Variants in SIGLEC6 observed in about 807,000 individuals in gnomAD.
The protein encoded by SIGLEC6 is sialic acid binding Ig like lectin 6, also known as sialic acid-binding Ig-like lectin 6.
Under a neutral mutation model 41.4 loss-of-function variants are expected in SIGLEC6, and 31 were observed. That is an observed-to-expected ratio of 0.75 (90% CI 0.56 to 1.01). The LOEUF is 1.01. Ranked by LOEUF, SIGLEC6 falls within the 50% of genes least tolerant of loss-of-function variation. The pLI is 0.00. For missense variants in SIGLEC6, 555 were observed against 558.6 expected, an observed-to-expected ratio of 0.99 and a Z score of 0.06; for synonymous variants, 217 against 231.0, an observed-to-expected ratio of 0.94 and a Z score of 0.55.
intron 5 of SIGLEC6, among the ~76,000 whole-genome samples, chr19:51,529,027 G>A (rs1416694846): frequency 3.5e-5 from 5 of 142,814 alleles, no homozygotes; most frequent in Admixed American, 3.5e-4. Context: ...AAGGGAAAAT[G>A]TGGACACAGA....
chr19:51,518,071 T>C lies in SIGLEC6; in HGVS notation c.*2011A>G, dbSNP rs544850483. ...TTTTTTGGATCTCAAAAATCTAATC[T>C]GGGATCACTTTCCTAATACCTGAAT... On this transcript the variant is annotated 3_prime_UTR_variant, in exon 8 of 8. Coordinates refer to ENST00000425629, the MANE Select transcript of SIGLEC6 (RefSeq NM_001245.7). Among the ~76,000 whole-genome samples the C allele has an allele frequency of 5.3e-5, 8 of 152,210 alleles. No individual in the cohort carries two copies.
At chr19:51,526,032 A>G (rs1363805241) in intron 7 of SIGLEC6, among the ~76,000 whole-genome samples, 3 of 152,052 alleles carry the variant, frequency 2.0e-5, no homozygotes, top group African/African-American at 7.2e-5. Context: ...TTCACCAGGT[A>G]AGTCCCCCTG....
chr19:51,522,643 T>C (rs1365318156), intron 7 of SIGLEC6, among the ~76,000 whole-genome samples: 1 of 148,292 alleles, frequency 6.7e-6, no homozygotes, highest in African/African-American at 2.5e-5. Flanking sequence ...ACAAAAAAAT[T>C]AGCCAGATAT....
chr19:51,530,016 G>A, intron 4 of SIGLEC6, 35 bp from the exon 5 acceptor site: 1 of 1,544,130 alleles, frequency 6.5e-7, no homozygotes, highest in Non-Finnish European at 8.7e-7. Context: ...TTAGAGATGG[G>A]GTATAGGGGC....
Position 51,531,407 on chromosome 19 carries a change from C to T in SIGLEC6, c.180G>A (p.Ser60=), listed in dbSNP as rs187012411. The change falls in exon 2 of 8, where the codon TCG becomes TCA. Residue 60 remains serine (S), a synonymous_variant. Transcript: ENST00000425629. ...GGAACCAGTAGCCATAACCATAGTA[C>T]GAGGCTGGAAGGGTAGTGGGCAATC... ...PCRLPTTLPA[S]YYGYGYWFLE... is the part of the protein sequence containing the mutation. 2.5e-6 allele frequency: 4 copies of T among 1,614,088 alleles called. No individual in the cohort carries two copies. Among genetic ancestry groups the T allele is most frequent in the South Asian group, 1.1e-5 (1 of 91,080 alleles).
chr19:51,530,968 G>A lies in SIGLEC6; in HGVS notation c.428-9C>T, dbSNP rs369391561. On this transcript the variant is annotated splice_polypyrimidine_tract_variant and intron_variant, in intron 2 of 7. Transcript: ENST00000425629. ...GGGCCTGTGGGTCAGGGCTGGTGAG[G>A]AGATGGGGACGCAGGATCAGGATGG... 174 of 1,608,802 alleles carry A rather than the reference G, an allele frequency of 1.1e-4. No homozygotes were observed. The highest frequency in any genetic ancestry group is 1.4e-4 in the Non-Finnish European group (161 of 1,179,438).
intron 7 of SIGLEC6, among the ~76,000 whole-genome samples, chr19:51,526,641 C>G (rs1177900582): frequency 6.6e-6 from 1 of 152,144 alleles, no homozygotes; most frequent in African/African-American, 2.4e-5. Flanking sequence ...GCCAGAGTGT[C>G]TTCTTACCTC....
chr19:51,517,996 G>C lies in SIGLEC6; in HGVS notation c.*2086C>G, dbSNP rs4802801. Among the ~76,000 whole-genome samples, 88,295 of 151,408 alleles carry C rather than the reference G, an allele frequency of 0.58. 25,982 individuals carry two copies. Among genetic ancestry groups the C allele is most frequent in the Admixed American group, 0.65 (9,973 of 15,226 alleles). On this transcript the variant is annotated 3_prime_UTR_variant, in exon 8 of 8. Transcript: ENST00000425629. ...CTACAAACCATCATTTTTACAACAAGTATTTGTTTCATTTTGCTCACATAT... is the reference window on the plus strand; with the variant it reads ...CTACAAACCATCATTTTTACAACAACTATTTGTTTCATTTTGCTCACATAT...
In SIGLEC6 at chr19:51,518,183, T is replaced by C. The variant is rs1474241674; in HGVS notation, c.*1899A>G. Among the ~76,000 whole-genome samples the C allele has an allele frequency of 6.6e-6, 1 of 152,250 alleles. No homozygotes were observed. The highest frequency in any genetic ancestry group is 1.5e-5 in the Non-Finnish European group (1 of 68,038). The stretch of plus-strand genomic sequence containing the variant: ...TCCTTAAAATATCTATATTTCACTT[T>C]CAGTCTTAAAATGTGTTTTCATTGA... On this transcript the variant is annotated 3_prime_UTR_variant, in exon 8 of 8. Transcript: ENST00000425629.
Position 51,531,338 on chromosome 19 carries a change from T to C in SIGLEC6, c.249A>G (p.Glu83=). The C allele has an allele frequency of 6.2e-7, 1 of 1,614,182 alleles. No homozygotes were observed. Among genetic ancestry groups the C allele is most frequent in the Non-Finnish European group, 8.5e-7 (1 of 1,180,002 alleles). The change falls in exon 2 of 8, where the codon GAA becomes GAG. Residue 83 remains glutamate, a synonymous_variant. Transcript: ENST00000425629. ...DVPVATNDPD[E]EVQEETRGRF... is the part of the protein sequence containing the mutation. ...GGCCCCGGGTCTCCTCCTGCACTTC[T>C]TCGTCTGGGTCGTTTGTGGCCACTG...
intron 7 of SIGLEC6, among the ~76,000 whole-genome samples, chr19:51,521,035 TG>T (rs1160283986): frequency 1.4e-5 from 2 of 146,656 alleles, no homozygotes; most frequent in Non-Finnish European, 3.0e-5. Context: ...TTTTAATTCA[TG>T]ATAGCAGATA....
In SIGLEC6 at chr19:51,519,581, A is replaced by G. The variant is rs994604131; in HGVS notation, c.*501T>C. 6.6e-6 allele frequency: 1 copy of G among 152,210 alleles called. No individual in the cohort carries two copies. The highest frequency in any genetic ancestry group is 2.4e-5 in the African/African-American group (1 of 41,464). 9.4% of individuals were successfully genotyped at this position (152,210 alleles called of 1,614,324 possible). On this transcript the variant is annotated 3_prime_UTR_variant, in exon 8 of 8. Coordinates refer to ENST00000425629, the MANE Select transcript of SIGLEC6 (RefSeq NM_001245.7). Reference sequence around the variant, plus strand: ...TTGGACAGAAGTCCTGTGGTCTGCCATATATACGAAGGTATTTATATAGTC... The same window carrying G: ...TTGGACAGAAGTCCTGTGGTCTGCCGTATATACGAAGGTATTTATATAGTC...
At position 51,527,893 on chromosome 19, in the gene SIGLEC6, A is replaced by G. The variant is rs1428253057; in HGVS notation, c.1107-65T>C. 7.4e-6 allele frequency: 11 copies of G among 1,488,964 alleles called. No individual in the cohort carries two copies. In the South Asian group the frequency reaches 8.0e-5, roughly 11 times the overall value. The allele number at this position is 1,488,964 out of a possible 1,614,324, so 92.2% of individuals were successfully genotyped here. A position where few individuals can be genotyped will look rare whatever the true frequency, so the allele number is the denominator to read the frequency against. On this transcript the variant is annotated intron_variant, in intron 6 of 7. Transcript: ENST00000425629. ...GAGCCTCTTTCCCCAAAAGAAAACC[A>G]TCTCCCCACTCCCTATGGAGAGTAC...
chr19:51,526,504 G>A (rs559537506), intron 7 of SIGLEC6, among the ~76,000 whole-genome samples: 1 of 152,304 alleles, frequency 6.6e-6, no homozygotes, highest in African/African-American at 2.4e-5. Flanking sequence ...CGTGCACAAA[G>A]CGTTGGCCTT....
intron 7 of SIGLEC6, among the ~76,000 whole-genome samples, chr19:51,520,599 A>AC (rs11415518): frequency 1 from 152,164 of 152,168 alleles, 76,080 homozygotes; most frequent in Middle Eastern, 1. Context: ...CTGGTCTTGA[A>AC]CCCTGGGCTC....
In SIGLEC6 at chr19:51,531,337, C is replaced by G; in HGVS notation, c.250G>C (p.Glu84Gln). 6.2e-7 allele frequency: 1 copy of G among 1,614,194 alleles called. No homozygotes were observed. Among genetic ancestry groups the G allele is most frequent in the Non-Finnish European group, 8.5e-7 (1 of 1,180,018 alleles). Reference sequence around the variant, plus strand: ...CGGCCCCGGGTCTCCTCCTGCACTTCTTCGTCTGGGTCGTTTGTGGCCACT... The same window carrying G: ...CGGCCCCGGGTCTCCTCCTGCACTTGTTCGTCTGGGTCGTTTGTGGCCACT... ...VPVATNDPDE[E>Q]VQEETRGRFH... The change falls in exon 2 of 8, where the codon GAA becomes CAA. Residue 84 changes from glutamate (E) to glutamine (Q), a missense_variant. Glu to Gln is a conservative substitution (Grantham distance 29). Transcript: ENST00000425629.
intron 7 of SIGLEC6, among the ~76,000 whole-genome samples, chr19:51,522,965 G>C (rs12461773): frequency 6.6e-6 from 1 of 152,068 alleles, no homozygotes; most frequent in South Asian, 2.1e-4. Context: ...GTGAGACCCT[G>C]TCTTTACAAA....
intron 7 of SIGLEC6, among the ~76,000 whole-genome samples, chr19:51,526,929 C>A (rs1212447644): frequency 6.6e-6 from 1 of 152,048 alleles, no homozygotes; most frequent in Non-Finnish European, 1.5e-5. Context: ...GCAGAATAAA[C>A]CAAGCTGAGG....
intron 7 of SIGLEC6, 110 bp downstream of exon 7, chr19:51,527,637 G>A (rs571017543): frequency 1.6e-5 from 13 of 823,150 alleles, no homozygotes; most frequent in African/African-American, 1.5e-4. Context: ...TGTCACATGT[G>A]GAACCGCAGG....
Sources: gnomAD v4.1 joint callset for allele counts (sites outside exome capture counted in the v4.1 genomes callset) on GRCh38, gnomAD v4.1.1 for gene constraint, MANE v1.5 for transcripts, NCBI Gene and HGNC (gene_info 2026-07-23, HGNC 2026-07-21) for gene names.